EXPH5: variants seen among roughly 807,000 people sequenced by gnomAD.
EXPH5 encodes the protein exophilin-5.
Under a neutral mutation model 41.1 loss-of-function variants are expected in EXPH5, and 42 were observed. The observed-to-expected ratio is 1.02, with a 90% CI of 0.80 to 1.32. The LOEUF is 1.32. Among genes scored for constraint, EXPH5 ranks in the 40% most tolerant of loss-of-function variants. The pLI, the probability that EXPH5 is intolerant of heterozygous loss-of-function variation, is 0.00. For missense variants in EXPH5, 2,298 were observed against 2,314.5 expected (o/e 0.99, Z 0.15); for synonymous variants, 798 against 833.5 (o/e 0.96, Z 0.73).
intron 1 of EXPH5, among the ~76,000 whole-genome samples, chr11:108,542,334 C>CTT (rs11336102): frequency 1.4e-5 from 2 of 147,492 alleles, no homozygotes; most frequent in Non-Finnish European, 3.0e-5. Flanking sequence ...TAGGTGTATT[C>CTT]TTTTTTTTTT....
At chr11:108,593,799 C>G, upstream of EXPH5, 1 of 1,514,132 alleles carries the variant, frequency 6.6e-7, no homozygotes, top group Middle Eastern at 1.7e-4. Context: ...GAACCAATCC[C>G]GTTCCAAGGG....
chr11:108,601,991 C>T, the EXPH5 span, among the ~76,000 whole-genome samples: 9 of 152,236 alleles, frequency 5.9e-5, no homozygotes, highest in East Asian at 5.8e-4. Flanking sequence ...TGAAGCAATC[C>T]GCCCACCTCA....
chr11:108,547,953 T>C (rs1187661375), intron 1 of EXPH5, among the ~76,000 whole-genome samples: 7 of 151,912 alleles, frequency 4.6e-5, no homozygotes. Context: ...CTACTAAAAA[T>C]ACAAAATTAG....
At chr11:108,545,451 TC>T in intron 1 of EXPH5, among the ~76,000 whole-genome samples, 1 of 152,176 alleles carries the variant, frequency 6.6e-6, no homozygotes, top group East Asian at 1.9e-4. Context: ...CAGATATGAA[TC>T]CAATAACAAT....
rs2135922892 is a variant in EXPH5 at position 108,513,340 on chromosome 11, C to T, written c.2167G>A (p.Ala723Thr). ...QLSKMDQTNK[A>T]GEIPQPVSQT... ...GAAACAGGTTGGGGTATTTCACCTG[C>T]CTTGTTTGTCTGGTCCATCTTGCTT... The change falls in exon 6 of 6, where the codon GCA becomes ACA. Residue 723 changes from alanine (A) to threonine (T), a missense_variant. Ala to Thr is a moderately conservative substitution (Grantham distance 58). Coordinates refer to ENST00000265843, the MANE Select transcript of EXPH5 (RefSeq NM_015065.3). The T allele has an allele frequency of 1.2e-6, 2 of 1,613,914 alleles. No homozygotes were observed. The highest frequency in any genetic ancestry group is 8.5e-7 in the Non-Finnish European group (1 of 1,179,908).
At chr11:108,569,489 G>A (rs192966188) in intron 1 of EXPH5, among the ~76,000 whole-genome samples, 1 of 152,142 alleles carries the variant, frequency 6.6e-6, no homozygotes, top group East Asian at 1.9e-4. Flanking sequence ...GCAGGCACAC[G>A]CCACCATGCC....
chr11:108,508,882 G>A lies in EXPH5; in HGVS notation c.*655C>T, dbSNP rs148050853. On this transcript the variant is annotated 3_prime_UTR_variant, in exon 6 of 6. Transcript: ENST00000265843. ...TAACCTCAACATGTGCTTTGACCAT[G>A]TGCCTCCCAGGCTCCACTACGGATA... 1.3e-5 allele frequency: 2 copies of A among 152,162 alleles called. No individual in the cohort carries two copies. Among genetic ancestry groups the A allele is most frequent in the Non-Finnish European group, 2.9e-5 (2 of 68,012 alleles). 9.4% of individuals were successfully genotyped at this position (152,162 alleles called of 1,614,324 possible).
chr11:108,552,914 G>C (rs746524049), intron 1 of EXPH5, among the ~76,000 whole-genome samples: 4 of 152,014 alleles, frequency 2.6e-5, no homozygotes, highest in Non-Finnish European at 5.9e-5. Flanking sequence ...GAAGAAAAAA[G>C]GCCGGGTGCG....
chr11:108,585,970 G>T (rs1591761400), intron 1 of EXPH5, among the ~76,000 whole-genome samples: 1 of 152,060 alleles, frequency 6.6e-6, no homozygotes, highest in Non-Finnish European at 1.5e-5. Context: ...ATGAAGTCTT[G>T]CTCTGTAGCC....
Position 108,512,562 on chromosome 11 carries a change from C to A in EXPH5, c.2945G>T (p.Cys982Phe). 6.2e-7 allele frequency: 1 copy of A among 1,612,270 alleles called. No homozygotes were observed. The highest frequency in any genetic ancestry group is 1.1e-5 in the South Asian group (1 of 90,472). The change falls in exon 6 of 6, where the codon TGT becomes TTT. Residue 982 changes from cysteine to phenylalanine, a missense_variant. Cys to Phe is a radical substitution (Grantham distance 205, BLOSUM62 -2). Coordinates refer to ENST00000265843, the MANE Select transcript of EXPH5 (RefSeq NM_015065.3). ...GKGKIRHHISCIEKLSKTESI... is the reference protein window; with the variant it reads ...GKGKIRHHISFIEKLSKTESI... Reference sequence around the variant, plus strand: ...TTCTGTTTTGCTTAACTTTTCAATACAGGATATATGATGCCTTATTTTTCC... The same window carrying A: ...TTCTGTTTTGCTTAACTTTTCAATAAAGGATATATGATGCCTTATTTTTCC...
chr11:108,593,356 C>G (rs2094133031), intron 1 of EXPH5, 62 bp downstream of exon 1: 3 of 1,475,692 alleles, frequency 2.0e-6, no homozygotes, highest in Non-Finnish European at 2.8e-6. Flanking sequence ...GCGCCTTCCC[C>G]GCGGATCCCC....
At chr11:108,534,363 G>A (rs918121565) in intron 3 of EXPH5, among the ~76,000 whole-genome samples, 1 of 152,176 alleles carries the variant, frequency 6.6e-6, no homozygotes, top group Non-Finnish European at 1.5e-5. Flanking sequence ...GTTCCCCACT[G>A]TCTACAGGAA....
At chr11:108,590,534 C>A (rs1035658100) in intron 1 of EXPH5, among the ~76,000 whole-genome samples, 1 of 152,160 alleles carries the variant, frequency 6.6e-6, no homozygotes, top group Non-Finnish European at 1.5e-5. Context: ...TGTTCAGGAA[C>A]TTTTCTGTGG....
intron 1 of EXPH5, among the ~76,000 whole-genome samples, chr11:108,546,781 T>C (rs1028930068): frequency 6.6e-6 from 1 of 152,046 alleles, no homozygotes; most frequent in African/African-American, 2.4e-5. Context: ...AAAAATACTT[T>C]ATAAATACTG....
chr11:108,584,038 T>C (rs2094106515), intron 1 of EXPH5, among the ~76,000 whole-genome samples: 1 of 152,210 alleles, frequency 6.6e-6, no homozygotes, highest in South Asian at 2.1e-4. Flanking sequence ...CAATGAACAA[T>C]TTTAAACTTA....
chr11:108,531,235 A>C (rs2093835842), intron 3 of EXPH5, among the ~76,000 whole-genome samples: 1 of 152,214 alleles, frequency 6.6e-6, no homozygotes, highest in South Asian at 2.1e-4. Flanking sequence ...AGATATGTCT[A>C]AAATGCAAAT....
chr11:108,527,473 C>T (rs1472232408), intron 4 of EXPH5, among the ~76,000 whole-genome samples: 1 of 152,146 alleles, frequency 6.6e-6, no homozygotes, highest in African/African-American at 2.4e-5. Context: ...AATATACTTG[C>T]TCTCCTCCTG....
At chr11:108,563,541 G>A (rs746063584) in intron 1 of EXPH5, among the ~76,000 whole-genome samples, 1 of 152,132 alleles carries the variant, frequency 6.6e-6, no homozygotes. Context: ...GAACAGTGCC[G>A]GGCCACGGGC....
rs114496868 is a variant in EXPH5, at chr11:108,511,648, C to T, written c.3859G>A (p.Glu1287Lys). 764 of 1,609,066 alleles carry T rather than the reference C, an allele frequency of 4.7e-4. 8 individuals carry two copies. The East Asian group carries it at 0.016, about 33-fold the overall frequency. Residue 1287 changes from glutamate to lysine, a missense_variant, in exon 6 of 6, where the codon GAA becomes AAA. Glu to Lys is a moderately conservative substitution (Grantham distance 56). Transcript: ENST00000265843. ...TTTTCTAAAGCGTTAGGAAATGTTT[C>T]AGTCTCCACTTGAGGTGATTCTATA... Reference protein sequence around the residue: ...LLIESPQVETETFPNALEKDK... With the variant: ...LLIESPQVETKTFPNALEKDK...
Sources: gnomAD v4.1 joint callset for allele counts (sites outside exome capture counted in the v4.1 genomes callset) on GRCh38, gnomAD v4.1.1 for gene constraint, MANE v1.5 for transcripts, NCBI Gene and HGNC (gene_info 2026-07-23, HGNC 2026-07-21) for gene names.